Variants in SGSM1 observed in about 807,000 individuals in gnomAD.
SGSM1 encodes RUN and TBC1 domain containing 2.
A neutral mutation model predicts 133.8 loss-of-function variants in SGSM1; 73 were observed. The ratio of observed to expected loss-of-function variants is 0.55; its 90% CI spans 0.45 to 0.66. SGSM1 has a LOEUF of 0.66. Ranked by LOEUF, SGSM1 falls within the 30% of genes least tolerant of loss-of-function variation. SGSM1 has a pLI of 0.00. For synonymous variants in SGSM1, 563 were observed against 573.0 expected (o/e 0.98, Z 0.25); for missense variants, 1,213 against 1,448.1 (o/e 0.84, Z 2.64).
chr22:24,877,364 T>C (rs901436804), intron 13 of SGSM1, among the ~76,000 whole-genome samples: 7 of 152,302 alleles, frequency 4.6e-5, no homozygotes, highest in African/African-American at 1.7e-4. Context: ...CACCTGCACA[T>C]GGTACTGTTC....
At chr22:24,851,549 A>G (rs1930486732) in intron 5 of SGSM1, among the ~76,000 whole-genome samples, 1 of 152,122 alleles carries the variant, frequency 6.6e-6, no homozygotes, top group African/African-American at 2.4e-5. Flanking sequence ...ATCTTCACAC[A>G]GTGGATGTTT....
intron 21 of SGSM1, among the ~76,000 whole-genome samples, chr22:24,912,403 G>C (rs1933659672): frequency 6.6e-6 from 1 of 152,162 alleles, no homozygotes; most frequent in Non-Finnish European, 1.5e-5. Flanking sequence ...TTTTGGCCAG[G>C]TGCAGTGGCT....
intron 9 of SGSM1, among the ~76,000 whole-genome samples, chr22:24,861,296 G>A (rs1361605069): frequency 6.7e-6 from 1 of 148,446 alleles, no homozygotes; most frequent in Non-Finnish European, 1.5e-5. Flanking sequence ...AGGTTGCAGT[G>A]AGCCGAGATC....
chr22:24,892,884 T>TAAAA (rs71320793), intron 16 of SGSM1, among the ~76,000 whole-genome samples: 33 of 118,684 alleles, frequency 2.8e-4, no homozygotes, highest in Middle Eastern at 4.2e-3. Context: ...CCGTCTCTAC[T>TAAAA]AAAAAAAAAA....
At chr22:24,890,206 T>A (rs1932790093) in intron 16 of SGSM1, among the ~76,000 whole-genome samples, 1 of 152,222 alleles carries the variant, frequency 6.6e-6, no homozygotes, top group Admixed American at 6.5e-5. Context: ...TCCGCCCGCC[T>A]TGGCCTCCCA....
chr22:24,913,131 A>G (rs566556414), intron 22 of SGSM1, among the ~76,000 whole-genome samples: 53 of 152,034 alleles, frequency 3.5e-4, no homozygotes, highest in South Asian at 2.1e-4. Flanking sequence ...CTCTACTAAA[A>G]ATACAAAAAA....
chr22:24,924,027 G>A (rs980271187), intron 24 of SGSM1, among the ~76,000 whole-genome samples, 159 bp from the exon 25 acceptor site: 1 of 152,124 alleles, frequency 6.6e-6, no homozygotes, highest in Non-Finnish European at 1.5e-5. Context: ...TTACAGATGA[G>A]GAAACTAAGG....
At chr22:24,890,345 A>G (rs76669599) in intron 16 of SGSM1, among the ~76,000 whole-genome samples, 2,867 of 152,258 alleles carry the variant, frequency 0.019, 84 homozygotes, top group African/African-American at 0.065. Flanking sequence ...ATTTGTAATT[A>G]TAAGTTCACA....
intron 2 of SGSM1, among the ~76,000 whole-genome samples, chr22:24,814,458 G>T (rs761600686): frequency 6.6e-6 from 1 of 151,968 alleles, no homozygotes; most frequent in Non-Finnish European, 1.5e-5. Flanking sequence ...ACAGCAAGGG[G>T]TCTGGCTGCA....
At position 24,905,191 on chromosome 22, in the gene SGSM1, AGT is replaced by A. The variant is rs1487390738; in HGVS notation, c.2818+9_2818+10del. 1 of 1,613,522 alleles carries A rather than the reference AGT, an allele frequency of 6.2e-7. No homozygotes were observed. The highest frequency in any genetic ancestry group is 8.5e-7 in the Non-Finnish European group (1 of 1,179,634). ...CTGCTGGTCATTCTGGATGATGGTGAGTGTGTCTTTACTGCCCTAGGGCTGAG... is the reference window on the plus strand; with the variant it reads ...CTGCTGGTCATTCTGGATGATGGTGAGTGTCTTTACTGCCCTAGGGCTGAG... On this transcript the variant is annotated splice_donor_5th_base_variant and intron_variant, in intron 21 of 24. Coordinates refer to ENST00000400358, the MANE Select transcript of SGSM1 (RefSeq NM_001098497.3).
At chr22:24,873,183 G>C (rs1435223880) in intron 12 of SGSM1, among the ~76,000 whole-genome samples, 1 of 151,860 alleles carries the variant, frequency 6.6e-6, no homozygotes, top group Non-Finnish European at 1.5e-5. Flanking sequence ...GCTGGACTTG[G>C]AACTCCTGGG....
chr22:24,888,082 A>T (rs535437984), intron 16 of SGSM1, among the ~76,000 whole-genome samples: 1 of 152,238 alleles, frequency 6.6e-6, no homozygotes, highest in South Asian at 2.1e-4. Context: ...AGTCCTTTAT[A>T]TACTCTGATA....
At chr22:24,857,239 TAAAAA>T (rs1402591127) in intron 8 of SGSM1, among the ~76,000 whole-genome samples, 2 of 116,456 alleles carry the variant, frequency 1.7e-5, no homozygotes, top group Non-Finnish European at 3.4e-5. Flanking sequence ...CTATCTCTAC[TAAAAA>T]TACAAAAAAA....
At chr22:24,814,597 G>A (rs1403926382) in intron 2 of SGSM1, among the ~76,000 whole-genome samples, 3 of 152,104 alleles carry the variant, frequency 2.0e-5, no homozygotes, top group Admixed American at 6.6e-5. Flanking sequence ...TGCTATCACT[G>A]TCAGGCAGTT....
rs557886188 is a variant in SGSM1, at chr22:24,844,816, T to C, written c.64-81T>C. ...GCCTGAAAGGCCTTGTGGGGAGCAA[T>C]GCAGCCCTTTTGGGGCACCTATACC... is the stretch of plus-strand genomic sequence containing the variant. On this transcript the variant is annotated intron_variant, in intron 2 of 24. Transcript: ENST00000400358. 14 of 1,328,072 alleles carry C rather than the reference T, an allele frequency of 1.1e-5. 1 individual carries two copies. The highest frequency in any genetic ancestry group is 1.5e-5 in the Non-Finnish European group (14 of 940,614). The allele number at this position is 1,328,072 out of a possible 1,614,324, so 82.3% of individuals were successfully genotyped here.
chr22:24,852,370 C>T (rs1218428121), intron 5 of SGSM1, among the ~76,000 whole-genome samples: 1 of 152,206 alleles, frequency 6.6e-6, no homozygotes, highest in Non-Finnish European at 1.5e-5. Flanking sequence ...AAATAAACCT[C>T]ATCACCCCAA....
intron 12 of SGSM1, among the ~76,000 whole-genome samples, chr22:24,871,806 C>T (rs1399060547): frequency 2.0e-5 from 3 of 152,316 alleles, no homozygotes; most frequent in Non-Finnish European, 4.4e-5. Context: ...GAAATGGCAA[C>T]CGCATCCTTG....
At chr22:24,911,289 CTTTTT>C (rs139761) in intron 21 of SGSM1, among the ~76,000 whole-genome samples, 26 of 128,546 alleles carry the variant, frequency 2.0e-4, no homozygotes, top group African/African-American at 5.0e-4. Flanking sequence ...TAATTCCCCA[CTTTTT>C]TTTTTTTTTT....
At chr22:24,858,635 C>CAAAAAAAAAAAAAAAAAAAAAAAA (rs139699) in intron 8 of SGSM1, among the ~76,000 whole-genome samples, 1 of 82,972 alleles carries the variant, frequency 1.2e-5, no homozygotes, top group African/African-American at 3.6e-5. Context: ...GACTCCATCT[C>CAAAAAAAAAAAAAAAAAAAAAAAA]AAAAAAAAAA....
Sources: allele counts gnomAD v4.1 joint callset (sites outside exome capture counted in the v4.1 genomes callset), GRCh38; gene constraint gnomAD v4.1.1; transcripts MANE v1.5; gene names NCBI Gene and HGNC (gene_info 2026-07-23, HGNC 2026-07-21).